Variants in ADGRL2 observed in about 807,000 individuals in gnomAD.
ADGRL2 encodes the protein calcium-independent alpha-latrotoxin receptor 2.
ADGRL2 carries 44 observed loss-of-function variants against 157.4 expected under a neutral mutation model. The ratio of observed to expected loss-of-function variants is 0.28; its 90% CI spans 0.22 to 0.36. The LOEUF (loss-of-function observed/expected upper bound fraction) is 0.36. ADGRL2 is among the 10% of genes least tolerant of loss of function. The probability of loss-of-function intolerance (pLI) is 1.00; values close to 1 mark genes in which losing one functional copy is unlikely to be tolerated. For missense variants in ADGRL2, 1,510 were observed against 1,768.9 expected (o/e 0.85, Z 2.63); for synonymous variants, 585 against 624.7 (o/e 0.94, Z 0.95).
chr1:81,735,846 CTAAGAG>C (rs2084880014), intron 1 of ADGRL2, among the ~76,000 whole-genome samples: 1 of 150,272 alleles, frequency 6.7e-6, no homozygotes, highest in Non-Finnish European at 1.5e-5. Context: ...AAATGTCAAG[CTAAGAG>C]TCAAACTGAC....
intron 2 of ADGRL2, among the ~76,000 whole-genome samples, chr1:81,537,546 A>AAG (rs2079772625): frequency 6.6e-6 from 1 of 152,124 alleles, no homozygotes; most frequent in Non-Finnish European, 1.5e-5. Context: ...TCGGCCTCCC[A>AAG]AAGTGCTGGA....
At chr1:81,392,774 G>A (rs2076582296) in intron 1 of ADGRL2, among the ~76,000 whole-genome samples, 2 of 151,902 alleles carry the variant, frequency 1.3e-5, no homozygotes, top group South Asian at 2.1e-4. Context: ...ATGTAATGCA[G>A]GGTGGGTAAA....
intron 2 of ADGRL2, among the ~76,000 whole-genome samples, chr1:81,470,246 G>A (rs554337984): frequency 6.6e-6 from 1 of 152,248 alleles, no homozygotes; most frequent in Admixed American, 6.5e-5. Context: ...TGCAAATTAT[G>A]TACTTATTTG....
intron 3 of ADGRL2, among the ~76,000 whole-genome samples, chr1:81,685,612 T>C (rs149323662): frequency 1.3e-3 from 199 of 152,320 alleles, no homozygotes; most frequent in African/African-American, 4.5e-3. Flanking sequence ...TTTACTGATT[T>C]GGATGCCCTT....
intron 1 of ADGRL2, among the ~76,000 whole-genome samples, chr1:81,752,548 T>A (rs1301332806): frequency 6.6e-6 from 1 of 152,190 alleles, no homozygotes; most frequent in African/African-American, 2.4e-5. Flanking sequence ...TCTTTCCTCC[T>A]TTTTTTGAAA....
intron 1 of ADGRL2, among the ~76,000 whole-genome samples, chr1:81,716,932 C>T (rs2084138004): frequency 6.6e-6 from 1 of 152,156 alleles, no homozygotes; most frequent in Non-Finnish European, 1.5e-5. Flanking sequence ...TTTTGATCTT[C>T]AGTCTTCTCA....
rs1172009560 is a variant in ADGRL2 at position 81,979,875 on chromosome 1, A to G, written c.3028A>G (p.Ile1010Val). ...TCTTTATTTGTTACAACAGCTAAAT[A>G]TTATCTTCTTGGTGATCACATTGTG... is the stretch of plus-strand genomic sequence containing the variant. ...GPVTFIILLNIIFLVITLCKM... is the reference protein window; with the variant it reads ...GPVTFIILLNVIFLVITLCKM... The change falls in exon 18 of 24, where the codon ATT (isoleucine) becomes GTT (valine). Residue 1010 changes from isoleucine (I) to valine (V), a missense_variant. By Grantham distance (29) the Ile-to-Val change is conservative. Coordinates refer to ENST00000686636, the MANE Select transcript of ADGRL2 (RefSeq NM_001366006.2). 1 of 1,589,484 alleles carries G rather than the reference A, an allele frequency of 6.3e-7. No homozygotes were observed. Among genetic ancestry groups the G allele is most frequent in the African/African-American group, 1.3e-5 (1 of 74,428 alleles).
At chr1:81,343,608 C>T (rs1238398200) in intron 1 of ADGRL2, among the ~76,000 whole-genome samples, 1 of 151,982 alleles carries the variant, frequency 6.6e-6, no homozygotes, top group Non-Finnish European at 1.5e-5. Flanking sequence ...GATCAGTGGG[C>T]CAGCATACTC....
intron 3 of ADGRL2, among the ~76,000 whole-genome samples, chr1:81,912,381 T>C (rs1031512655): frequency 6.6e-6 from 1 of 152,172 alleles, no homozygotes; most frequent in Admixed American, 6.6e-5. Flanking sequence ...CTATGTTTCT[T>C]ATTAAGTAAA....
At chr1:81,611,802 G>T (rs1344336428) in intron 3 of ADGRL2, among the ~76,000 whole-genome samples, 5 of 152,062 alleles carry the variant, frequency 3.3e-5, no homozygotes, top group Non-Finnish European at 5.9e-5. Flanking sequence ...ATCTCAAATT[G>T]TAATCCCCAC....
intron 2 of ADGRL2, among the ~76,000 whole-genome samples, chr1:81,787,846 C>A (rs1484319221): frequency 6.6e-6 from 1 of 152,112 alleles, no homozygotes; most frequent in Non-Finnish European, 1.5e-5. Context: ...AATACATATA[C>A]AACCCTTTGA....
intron 3 of ADGRL2, among the ~76,000 whole-genome samples, chr1:81,692,564 T>G (rs1170490524): frequency 6.6e-6 from 1 of 152,110 alleles, no homozygotes; most frequent in East Asian, 1.9e-4. Flanking sequence ...AGTAGGCTTG[T>G]GCAAAAAATG....
chr1:81,962,241 G>A (rs957229755), intron 11 of ADGRL2, among the ~76,000 whole-genome samples: 31 of 151,996 alleles, frequency 2.0e-4, no homozygotes, highest in African/African-American at 7.0e-4. Context: ...AATTGGTTAC[G>A]TTATTGTTTT....
At chr1:81,312,014 T>C (rs1355922301) in intron 1 of ADGRL2, among the ~76,000 whole-genome samples, 3 of 152,228 alleles carry the variant, frequency 2.0e-5, no homozygotes, top group African/African-American at 4.8e-5. Flanking sequence ...TAAACCTCTG[T>C]CACTAAATCT....
chr1:81,432,471 GA>G (rs1293998508), intron 1 of ADGRL2, among the ~76,000 whole-genome samples: 1 of 152,164 alleles, frequency 6.6e-6, no homozygotes, highest in African/African-American at 2.4e-5. Context: ...TAATTATGTT[GA>G]TTTTTTTATG....
intron 1 of ADGRL2, among the ~76,000 whole-genome samples, chr1:81,385,714 A>G (rs2076423628): frequency 6.6e-6 from 1 of 152,132 alleles, no homozygotes; most frequent in Admixed American, 6.5e-5. Context: ...CAATGCATTG[A>G]TAATGAACTA....
At chr1:81,788,956 T>C (rs949051817) in intron 2 of ADGRL2, among the ~76,000 whole-genome samples, 1 of 152,194 alleles carries the variant, frequency 6.6e-6, no homozygotes, top group Non-Finnish European at 1.5e-5. Context: ...GACCTCGTGA[T>C]CCACCCGCCT....
chr1:81,718,733 C>G (rs1170755511), intron 1 of ADGRL2, among the ~76,000 whole-genome samples: 1 of 152,188 alleles, frequency 6.6e-6, no homozygotes, highest in Non-Finnish European at 1.5e-5. Flanking sequence ...GTTGGTATGA[C>G]AGTTGCCAAA....
intron 4 of ADGRL2, among the ~76,000 whole-genome samples, chr1:81,938,554 A>G (rs1419724662): frequency 6.6e-6 from 1 of 151,716 alleles, no homozygotes; most frequent in Non-Finnish European, 1.5e-5. Context: ...ATACTCAGAG[A>G]AGTATTTGTT....
Sources: allele counts gnomAD v4.1 joint callset (sites outside exome capture counted in the v4.1 genomes callset), GRCh38; gene constraint gnomAD v4.1.1; transcripts MANE v1.5; gene names NCBI Gene and HGNC (gene_info 2026-07-23, HGNC 2026-07-21).